The following GLIS3 variants were observed in gnomAD, a reference collection of about 807,000 sequenced individuals.
GLIS3 encodes GLIS family zinc finger 3.
Under a neutral mutation model 78.6 loss-of-function variants are expected in GLIS3, and 53 were observed. The ratio of observed to expected loss-of-function variants is 0.67; its 90% CI spans 0.54 to 0.85. The LOEUF (loss-of-function observed/expected upper bound fraction) is 0.85, where lower values mean the gene tolerates loss of function less well. Among genes scored for constraint, GLIS3 ranks in the 40% least tolerant of loss-of-function variants. The pLI is 0.00. For missense variants in GLIS3, 1,703 were observed against 1,231.1 expected (o/e 1.38, Z -5.74); for synonymous variants, 684 against 509.9 (o/e 1.34, Z -4.60).
intron 2 of GLIS3, among the ~76,000 whole-genome samples, chr9:4,270,454 A>T (rs1038574903): frequency 2.2e-4 from 33 of 152,260 alleles, no homozygotes; most frequent in Non-Finnish European, 4.6e-4. Context: ...GATGTAATTG[A>T]GTTGTCAGCT....
chr9:4,020,639 T>C (rs1436952399), intron 4 of GLIS3, among the ~76,000 whole-genome samples: 1 of 152,224 alleles, frequency 6.6e-6, no homozygotes, highest in Non-Finnish European at 1.5e-5. Context: ...TGTTCTAATC[T>C]TGAGATGTAA....
At chr9:4,469,010 A>G in the GLIS3 span, among the ~76,000 whole-genome samples, 2 of 152,228 alleles carry the variant, frequency 1.3e-5, no homozygotes, top group Non-Finnish European at 2.9e-5. Flanking sequence ...AATAGACTCT[A>G]AACCAACAAA....
At chr9:4,021,646 T>A (rs1419003775) in intron 4 of GLIS3, among the ~76,000 whole-genome samples, 1 of 152,102 alleles carries the variant, frequency 6.6e-6, no homozygotes, top group African/African-American at 2.4e-5. Context: ...TAATATAACA[T>A]TGCACTTAAC....
intron 4 of GLIS3, among the ~76,000 whole-genome samples, chr9:4,307,430 C>T (rs1445246428): frequency 6.6e-6 from 1 of 152,144 alleles, no homozygotes; most frequent in Non-Finnish European, 1.5e-5. Context: ...CCCTCCAGAG[C>T]CCCCAAGCCT....
At chr9:4,096,028 GTC>G (rs1295832942) in intron 4 of GLIS3, among the ~76,000 whole-genome samples, 1 of 131,554 alleles carries the variant, frequency 7.6e-6, no homozygotes, top group Non-Finnish European at 1.6e-5. Flanking sequence ...AAAAAAAAAA[GTC>G]TCTATCACAG....
At chr9:4,322,537 A>C (rs1010957207) in intron 2 of GLIS3, among the ~76,000 whole-genome samples, 1 of 152,088 alleles carries the variant, frequency 6.6e-6, no homozygotes, top group African/African-American at 2.4e-5. Flanking sequence ...AAGTCTTCCT[A>C]TTTCTCCACT....
intron 2 of GLIS3, among the ~76,000 whole-genome samples, chr9:4,251,704 G>T (rs191500396): frequency 2.0e-5 from 3 of 152,224 alleles, no homozygotes; most frequent in Non-Finnish European, 4.4e-5. Context: ...CAGTGTCGAT[G>T]GTCTTTACAA....
At chr9:4,241,695 G>T (rs1823329863) in intron 2 of GLIS3, among the ~76,000 whole-genome samples, 1 of 146,804 alleles carries the variant, frequency 6.8e-6, no homozygotes, top group Non-Finnish European at 1.5e-5. Context: ...TGTTTTTTTT[G>T]AGATACAGTC....
the GLIS3 span, among the ~76,000 whole-genome samples, chr9:4,460,194 G>C: frequency 3.8e-4 from 58 of 152,246 alleles, no homozygotes; most frequent in African/African-American, 1.3e-3. Context: ...AAGACCATGG[G>C]CATTCTTGAA....
intron 4 of GLIS3, among the ~76,000 whole-genome samples, chr9:4,088,191 A>G (rs1006203224): frequency 6.6e-6 from 1 of 152,226 alleles, no homozygotes; most frequent in African/African-American, 2.4e-5. Flanking sequence ...AGAGATTAGT[A>G]TCATGTACCT....
intron 2 of GLIS3, among the ~76,000 whole-genome samples, chr9:4,205,535 C>T (rs1038789742): frequency 2.0e-5 from 3 of 152,156 alleles, no homozygotes; most frequent in Admixed American, 6.5e-5. Flanking sequence ...TGCTTGCAGG[C>T]CTAGTGCTAT....
chr9:4,366,075 T>G, the GLIS3 span, among the ~76,000 whole-genome samples: 1 of 152,248 alleles, frequency 6.6e-6, no homozygotes, highest in East Asian at 1.9e-4. Context: ...ATTTTGAGCA[T>G]AAGGGTATGG....
At chr9:4,401,452 T>C in the GLIS3 span, among the ~76,000 whole-genome samples, 16 of 151,366 alleles carry the variant, frequency 1.1e-4, 1 homozygote, top group Non-Finnish European at 5.9e-5. Flanking sequence ...TTAGTAGAGA[T>C]GGGGTTTCTC....
the GLIS3 span, among the ~76,000 whole-genome samples, chr9:4,442,189 G>A: frequency 3.3e-5 from 5 of 152,114 alleles, no homozygotes; most frequent in South Asian, 1.0e-3. Context: ...TAGGTTACAT[G>A]TGCCCAGGAA....
chr9:4,060,352 C>T (rs566828976), intron 4 of GLIS3, among the ~76,000 whole-genome samples: 2 of 152,300 alleles, frequency 1.3e-5, no homozygotes, highest in East Asian at 3.9e-4. Flanking sequence ...GCCTGCTTCT[C>T]GTCACCTTCA....
intron 2 of GLIS3, among the ~76,000 whole-genome samples, chr9:4,342,591 T>G (rs538696376): frequency 6.6e-6 from 1 of 152,378 alleles, no homozygotes; most frequent in South Asian, 2.1e-4. Context: ...GTTTTTTTGG[T>G]TCCATATGAA....
At chr9:4,144,929 C>T (rs919985802) in intron 2 of GLIS3, 2 of 152,238 alleles carry the variant, frequency 1.3e-5, no homozygotes, top group Non-Finnish European at 2.9e-5. Flanking sequence ...TCATAACTGT[C>T]TTCACCAGTA....
the GLIS3 span, among the ~76,000 whole-genome samples, chr9:4,465,976 A>G: frequency 2.0e-5 from 3 of 152,256 alleles, no homozygotes; most frequent in African/African-American, 7.2e-5. Context: ...TGTGGCCCAC[A>G]AAACAGAAAA....
At chr9:3,991,892 G>A (rs186988796) in intron 4 of GLIS3, among the ~76,000 whole-genome samples, 34 of 151,868 alleles carry the variant, frequency 2.2e-4, no homozygotes, top group Admixed American at 7.2e-4. Flanking sequence ...GGGTTTCACC[G>A]TATTGGCCAG....
Sources: gnomAD v4.1 joint callset for allele counts (sites outside exome capture counted in the v4.1 genomes callset) on GRCh38, gnomAD v4.1.1 for gene constraint, MANE v1.5 for transcripts, NCBI Gene and HGNC (gene_info 2026-07-23, HGNC 2026-07-21) for gene names.